Variants in ZNF566 observed in about 807,000 individuals in gnomAD.
The protein encoded by ZNF566 is zinc finger protein 566.
A neutral mutation model predicts 32.8 loss-of-function variants in ZNF566; 27 were observed. The observed-to-expected ratio is 0.82, with a 90% CI of 0.61 to 1.14. The LOEUF (loss-of-function observed/expected upper bound fraction) is 1.14, where lower values mean the gene tolerates loss of function less well. Ranked by LOEUF, ZNF566 falls within the 50% of genes most tolerant of loss-of-function variation. The pLI is 0.00. For synonymous variants in ZNF566, 154 were observed against 159.5 expected (o/e 0.97, Z 0.26); for missense variants, 402 against 490.4 (o/e 0.82, Z 1.70).
chr19:36,452,241 G>C (rs1351261104), intron 4 of ZNF566, among the ~76,000 whole-genome samples: 1 of 151,674 alleles, frequency 6.6e-6, no homozygotes, highest in African/African-American at 2.4e-5. Flanking sequence ...GTTACAGAGG[G>C]ACAGGATCTC....
At chr19:36,477,155 C>A (rs1323460657) in intron 1 of ZNF566, among the ~76,000 whole-genome samples, 1 of 152,006 alleles carries the variant, frequency 6.6e-6, no homozygotes, top group Non-Finnish European at 1.5e-5. Flanking sequence ...GGACTACAGG[C>A]ATGTGCCACC....
At chr19:36,473,093 G>A in intron 3 of ZNF566, 87 bp from the exon 4 acceptor site, 4 of 1,267,242 alleles carry the variant, frequency 3.2e-6, no homozygotes, top group Non-Finnish European at 4.5e-6. Flanking sequence ...AGAAAGACAT[G>A]GCATTATGAG....
chr19:36,484,818 T>C (rs1424115435), intron 1 of ZNF566, among the ~76,000 whole-genome samples: 2 of 152,048 alleles, frequency 1.3e-5, no homozygotes, highest in Admixed American at 1.3e-4. Context: ...CTTGATCTCC[T>C]GACCTTGTGA....
chr19:36,458,685 T>C (rs1162174820), intron 4 of ZNF566, among the ~76,000 whole-genome samples: 1 of 152,228 alleles, frequency 6.6e-6, no homozygotes, highest in Admixed American at 6.5e-5. Flanking sequence ...TACTGTATTG[T>C]ATACTTGGAA....
chr19:36,483,419 C>T (rs1234339294), intron 1 of ZNF566, among the ~76,000 whole-genome samples: 1 of 152,004 alleles, frequency 6.6e-6, no homozygotes, highest in African/African-American at 2.4e-5. Context: ...GAAATTAATG[C>T]TGCTTGGAGA....
chr19:36,445,969 G>C lies in ZNF566; in HGVS notation c.*3008C>G, dbSNP rs1445988124. On this transcript the variant is annotated 3_prime_UTR_variant, in exon 5 of 5. Coordinates refer to ENST00000452939, the MANE Select transcript of ZNF566 (RefSeq NM_001145344.1). ...CCATAATATCACAATTGGGAAAGTG[G>C]TTGAAAAGGCATTGGTAAATAACAC... 6.6e-6 allele frequency: 1 copy of C among 152,164 alleles called. No individual in the cohort carries two copies. Among genetic ancestry groups the C allele is most frequent in the Non-Finnish European group, 1.5e-5 (1 of 68,044 alleles). 9.4% of individuals were successfully genotyped at this position (152,164 alleles called of 1,614,324 possible).
chr19:36,460,965 C>A (rs2033446141), intron 4 of ZNF566, among the ~76,000 whole-genome samples: 1 of 152,082 alleles, frequency 6.6e-6, no homozygotes, highest in African/African-American at 2.4e-5. Context: ...CCAAAAATAT[C>A]CTTCAGTAAT....
rs145024956 is a variant in ZNF566 at position 36,468,382 on chromosome 19, G to C, written c.232+4529C>G. On this transcript the variant is annotated intron_variant, in intron 4 of 4. Transcript: ENST00000452939. ...ACACTTTGGGAGGTTGAGGTGGGAGGATCACTTGAGGCCAGGAGTTAGAGA... is the reference window on the plus strand; with the variant it reads ...ACACTTTGGGAGGTTGAGGTGGGAGCATCACTTGAGGCCAGGAGTTAGAGA... 3.2e-4 allele frequency among the ~76,000 whole-genome samples: 48 copies of C among 151,672 alleles called. No individual in the cohort carries two copies. The East Asian group carries it at 8.5e-3, about 27-fold the overall frequency.
intron 3 of ZNF566, 116 bp from the exon 4 acceptor site, chr19:36,473,122 C>T: frequency 8.9e-7 from 1 of 1,120,362 alleles, no homozygotes; most frequent in Non-Finnish European, 1.3e-6. Flanking sequence ...AAGAGAGGTA[C>T]AACGGACTTA....
intron 4 of ZNF566, among the ~76,000 whole-genome samples, chr19:36,465,215 GATT>G (rs2033581824): frequency 6.6e-6 from 1 of 152,054 alleles, no homozygotes; most frequent in Non-Finnish European, 1.5e-5. Flanking sequence ...TCACCAATCA[GATT>G]ATTAAAAGAT....
Position 36,484,887 on chromosome 19 carries a change from C to A in ZNF566, c.-60+4599G>T, listed in dbSNP as rs530017310. ...TACAGGCATGAGCCACCGCGCCCAG[C>A]CATTTTTACATAGTTTCAAATTATT... On this transcript the variant is annotated intron_variant, in intron 1 of 4. Transcript: ENST00000452939. Among the ~76,000 whole-genome samples the A allele has an allele frequency of 1.6e-3, 236 of 152,084 alleles. 1 individual carries two copies. In the South Asian group the frequency reaches 0.021, roughly 14 times the overall value.
chr19:36,450,083 C>T (rs1450566711), intron 4 of ZNF566, 82 bp from the exon 5 acceptor site: 3 of 1,211,048 alleles, frequency 2.5e-6, no homozygotes, highest in Non-Finnish European at 3.4e-6. Flanking sequence ...GAGAATTTAA[C>T]CGAATTTTTT....
At chr19:36,455,082 A>G (rs1182461610) in intron 4 of ZNF566, among the ~76,000 whole-genome samples, 1 of 152,212 alleles carries the variant, frequency 6.6e-6, no homozygotes, top group Non-Finnish European at 1.5e-5. Context: ...TAAGCAAAGC[A>G]ATCAATGTGA....
chr19:36,478,833 C>T (rs1337509894), intron 1 of ZNF566, among the ~76,000 whole-genome samples: 2 of 152,112 alleles, frequency 1.3e-5, no homozygotes, highest in Admixed American at 6.5e-5. Flanking sequence ...GATAAGAGCA[C>T]GAACAGTAGG....
chr19:36,478,616 TAAAA>T (rs10541227), intron 1 of ZNF566, among the ~76,000 whole-genome samples: 2,354 of 140,610 alleles, frequency 0.017, 58 homozygotes, highest in African/African-American at 0.056. Flanking sequence ...CTCATTAATG[TAAAA>T]AAAAAAAAAA....
intron 4 of ZNF566, among the ~76,000 whole-genome samples, chr19:36,457,736 CA>C (rs1426587870): frequency 6.6e-6 from 1 of 152,058 alleles, no homozygotes; most frequent in Non-Finnish European, 1.5e-5. Flanking sequence ...TACTAAAATA[CA>C]AAAATTATGT....
chr19:36,482,207 G>A (rs1224148133), intron 1 of ZNF566, among the ~76,000 whole-genome samples: 4 of 152,158 alleles, frequency 2.6e-5, no homozygotes, highest in South Asian at 2.1e-4. Flanking sequence ...CCAGGTTCAC[G>A]CCATTCTCCT....
intron 1 of ZNF566, among the ~76,000 whole-genome samples, chr19:36,477,769 C>T (rs2033933483): frequency 6.6e-6 from 1 of 151,924 alleles, no homozygotes; most frequent in African/African-American, 2.4e-5. Flanking sequence ...AAATCCTGAC[C>T]TTCCAAAGTG....
chr19:36,474,023 T>A (rs912574232), intron 2 of ZNF566, among the ~76,000 whole-genome samples: 1 of 152,206 alleles, frequency 6.6e-6, no homozygotes, highest in Non-Finnish European at 1.5e-5. Flanking sequence ...TAGACTTTCA[T>A]AAACAAACTA....
Sources: allele counts gnomAD v4.1 joint callset (sites outside exome capture counted in the v4.1 genomes callset), GRCh38; gene constraint gnomAD v4.1.1; transcripts MANE v1.5; gene names NCBI Gene and HGNC (gene_info 2026-07-23, HGNC 2026-07-21).